Variants in MTMR8 observed in about 807,000 individuals in gnomAD.
MTMR8 encodes the protein phosphatidylinositol-3,5-bisphosphate 3-phosphatase MTMR8.
A neutral mutation model predicts 39.3 loss-of-function variants in MTMR8; 65 were observed. The observed-to-expected ratio is 1.65, with a 90% CI of 1.35 to 2.03. The LOEUF (loss-of-function observed/expected upper bound fraction) is 2.03. MTMR8 is among the 30% of genes most tolerant of loss of function. MTMR8 has a pLI of 0.00. For synonymous variants in MTMR8, 245 were observed against 185.2 expected (o/e 1.32, Z -2.62); for missense variants, 777 against 538.9 (o/e 1.44, Z -4.37).
chrX:64,386,619 C>A (rs1317846128), intron 1 of MTMR8, among the ~76,000 whole-genome samples: 1 of 112,118 alleles, frequency 8.9e-6, no homozygotes, highest in Non-Finnish European at 1.9e-5. Flanking sequence ...AGCAAGAGAA[C>A]CATGGGTATA....
At chrX:64,271,781 G>A (rs901410285) in intron 12 of MTMR8, among the ~76,000 whole-genome samples, 77 of 112,130 alleles carry the variant, frequency 6.9e-4, no homozygotes, top group African/African-American at 2.5e-3. Context: ...TATCCTGAGG[G>A]CTACAGAGAA....
chrX:64,335,782 T>C (rs778392720), intron 10 of MTMR8, among the ~76,000 whole-genome samples: 1 of 112,281 alleles, frequency 8.9e-6, no homozygotes, highest in Admixed American at 9.4e-5. Context: ...CCCTGACCTC[T>C]TCGTGCAATG....
chrX:64,382,277 G>C (rs142664695), intron 1 of MTMR8, among the ~76,000 whole-genome samples: 1 of 111,401 alleles, frequency 9.0e-6, no homozygotes, highest in Non-Finnish European at 1.9e-5. Context: ...CTTTTATTTC[G>C]TTGAGCAGTG....
At chrX:64,364,350 C>T (rs752921298) in intron 1 of MTMR8, among the ~76,000 whole-genome samples, 4 of 112,034 alleles carry the variant, frequency 3.6e-5, no homozygotes, top group South Asian at 7.4e-4. Flanking sequence ...CCGAATGATA[C>T]CTCATACAGG....
intron 12 of MTMR8, among the ~76,000 whole-genome samples, chrX:64,309,247 ATC>A (rs1922221234): frequency 8.9e-6 from 1 of 112,010 alleles, no homozygotes; most frequent in Non-Finnish European, 1.9e-5. Context: ...AGCATAGAAT[ATC>A]TCTTCATTTA....
intron 12 of MTMR8, among the ~76,000 whole-genome samples, chrX:64,278,397 G>A (rs1357813561): frequency 9.4e-6 from 1 of 105,921 alleles, no homozygotes; most frequent in African/African-American, 3.5e-5. Flanking sequence ...TAGCTGGTGA[G>A]GTTCAGATGG....
At chrX:64,285,652 G>C (rs903740328) in intron 12 of MTMR8, among the ~76,000 whole-genome samples, 35 of 111,706 alleles carry the variant, frequency 3.1e-4, no homozygotes, top group African/African-American at 1.1e-3. Context: ...AATCAAACTA[G>C]AACTCAGGAT....
intron 1 of MTMR8, among the ~76,000 whole-genome samples, chrX:64,385,913 G>T (rs762258269): frequency 1.8e-4 from 20 of 111,191 alleles, no homozygotes; most frequent in Non-Finnish European, 3.0e-4. Flanking sequence ...CAGAGCTCCT[G>T]CACTTGGTCC....
At chrX:64,299,201 T>G (rs1471756073) in intron 12 of MTMR8, among the ~76,000 whole-genome samples, 3 of 85,379 alleles carry the variant, frequency 3.5e-5, no homozygotes, top group African/African-American at 1.4e-4. Context: ...TGTGAATCCA[T>G]CTGGTCCTGG....
intron 1 of MTMR8, among the ~76,000 whole-genome samples, chrX:64,389,263 T>C (rs1924637032): frequency 8.9e-6 from 1 of 111,732 alleles, no homozygotes; most frequent in African/African-American, 3.3e-5. Context: ...TAAGGTCACA[T>C]AGCATGTCAG....
chrX:64,282,528 C>T (rs1921001416), intron 12 of MTMR8, among the ~76,000 whole-genome samples: 2 of 111,123 alleles, frequency 1.8e-5, no homozygotes, highest in African/African-American at 6.5e-5. Context: ...AAATAGACAA[C>T]AAAAAGAATA....
chrX:64,362,002 C>T (rs1368490147), intron 1 of MTMR8, among the ~76,000 whole-genome samples: 1 of 110,403 alleles, frequency 9.1e-6, no homozygotes, highest in African/African-American at 3.3e-5. Context: ...ATATCAACCA[C>T]AAAAGTCAAT....
At chrX:64,371,827 C>T (rs922342882) in intron 1 of MTMR8, among the ~76,000 whole-genome samples, 6 of 110,370 alleles carry the variant, frequency 5.4e-5, no homozygotes, top group Non-Finnish European at 1.1e-4. Context: ...TTAAAATGGA[C>T]TATTAAGTAG....
At chrX:64,356,578 C>T (rs570079290) in intron 2 of MTMR8, among the ~76,000 whole-genome samples, 2 of 110,775 alleles carry the variant, frequency 1.8e-5, no homozygotes, top group African/African-American at 6.6e-5. Context: ...CTTAAGGATA[C>T]GAGATTACCA....
At chrX:64,307,192 T>C (rs1922148323) in intron 12 of MTMR8, among the ~76,000 whole-genome samples, 1 of 112,193 alleles carries the variant, frequency 8.9e-6, no homozygotes, top group African/African-American at 3.2e-5. Context: ...ATTTGTAGTA[T>C]TTTCTCCCAG....
intron 12 of MTMR8, among the ~76,000 whole-genome samples, chrX:64,286,826 G>T (rs1174096620): frequency 9.0e-6 from 1 of 111,244 alleles, no homozygotes; most frequent in Non-Finnish European, 1.9e-5. Flanking sequence ...AATAATAAGA[G>T]CTATTTATGA....
intron 12 of MTMR8, among the ~76,000 whole-genome samples, chrX:64,295,970 G>T (rs1007767302): frequency 4.5e-5 from 5 of 111,955 alleles, no homozygotes; most frequent in African/African-American, 1.6e-4. Flanking sequence ...ATACCCCAAA[G>T]AACTCGAAGC....
intron 12 of MTMR8, among the ~76,000 whole-genome samples, chrX:64,297,418 T>C (rs1449121454): frequency 1.0e-5 from 1 of 99,752 alleles, no homozygotes; most frequent in Admixed American, 1.1e-4. Flanking sequence ...ACCCACTTTT[T>C]GATGGGGTTG....
chrX:64,311,368 A>G (rs1349206533), intron 12 of MTMR8, among the ~76,000 whole-genome samples: 1 of 110,282 alleles, frequency 9.1e-6, no homozygotes, highest in African/African-American at 3.3e-5. Context: ...AAATTTGTTT[A>G]AATTATTTGT....
Sources: gnomAD v4.1 joint callset for allele counts (sites outside exome capture counted in the v4.1 genomes callset) on GRCh38, gnomAD v4.1.1 for gene constraint, MANE v1.5 for transcripts, NCBI Gene and HGNC (gene_info 2026-07-23, HGNC 2026-07-21) for gene names.